Variants in N4BP2 observed in about 807,000 individuals in gnomAD.
The protein encoded by N4BP2 is NEDD4 binding protein 2.
In N4BP2, 91 loss-of-function variants were observed where a neutral mutation model predicts 152.8. The observed-to-expected ratio is 0.60, with a 90% CI of 0.50 to 0.71. The LOEUF (loss-of-function observed/expected upper bound fraction) is 0.71, where lower values mean the gene tolerates loss of function less well. Ranked by LOEUF, N4BP2 falls within the 30% of genes least tolerant of loss-of-function variation. The pLI is 0.00. For missense variants in N4BP2, 1,923 were observed against 2,059.1 expected, an observed-to-expected ratio of 0.93 and a Z score of 1.28; for synonymous variants, 646 against 705.3, an observed-to-expected ratio of 0.92 and a Z score of 1.33.
At chr4:40,057,973 A>G (rs1038209236) in intron 1 of N4BP2, among the ~76,000 whole-genome samples, 1 of 152,138 alleles carries the variant, frequency 6.6e-6, no homozygotes, top group African/African-American at 2.4e-5. Context: ...GCTTGAAGGC[A>G]GGATTGGCTG....
At chr4:40,094,552 T>G (rs752979464) in intron 2 of N4BP2, among the ~76,000 whole-genome samples, 2 of 152,078 alleles carry the variant, frequency 1.3e-5, no homozygotes, top group Non-Finnish European at 2.9e-5. Context: ...CTTTTTTATT[T>G]TTATTTATTT....
intron 5 of N4BP2, among the ~76,000 whole-genome samples, 167 bp downstream of exon 5, chr4:40,107,191 T>G (rs1382395440): frequency 6.6e-6 from 1 of 152,080 alleles, no homozygotes; most frequent in Non-Finnish European, 1.5e-5. Flanking sequence ...CCTTGACTTC[T>G]GGGTTCAGGT....
At position 40,120,177 on chromosome 4, in the gene N4BP2, A is replaced by T; in HGVS notation, c.2066A>T (p.Glu689Val). 6.2e-7 allele frequency: 1 copy of T among 1,613,662 alleles called. No individual in the cohort carries two copies. The highest frequency in any genetic ancestry group is 2.2e-5 in the East Asian group (1 of 44,854). Reference protein sequence around the residue: ...ETPHMYFSDSESKLQATDKSE... With the variant: ...ETPHMYFSDSVSKLQATDKSE... The stretch of plus-strand genomic sequence containing the variant: ...CCACACATGTATTTTTCTGACTCTG[A>T]AAGCAAACTACAGGCAACAGACAAA... The change falls in exon 9 of 18, where the codon GAA becomes GTA. Residue 689 changes from glutamate (E) to valine (V), a missense_variant. Transcript: ENST00000261435.
chr4:40,102,203 C>A lies in N4BP2; in HGVS notation c.358C>A (p.Arg120Ser). The change falls in exon 4 of 18, where the codon CGT becomes AGT. Residue 120 changes from arginine (R) to serine (S), a missense_variant. Arg to Ser is a moderately radical substitution (Grantham distance 110). Transcript: ENST00000261435. ...GAAESKIMEK[R>S]PEEESEDSKM... The stretch of plus-strand genomic sequence containing the variant: ...AGCAGAAAGTAAAATAATGGAAAAA[C>A]GTCCTGAAGAAGAGAGTGAAGATTC... 6.2e-7 allele frequency: 1 copy of A among 1,613,922 alleles called. No homozygotes were observed. Among genetic ancestry groups the A allele is most frequent in the Non-Finnish European group, 8.5e-7 (1 of 1,179,954 alleles).
chr4:40,097,345 C>A lies in N4BP2; in HGVS notation c.5C>A (p.Pro2Gln). ...ATTTTAGTTTTGGAAGTCAGAATGC[C>A]AAGGAGAAGGAAAAATCTTGGGGGA... MPRRRKNLGGNP... is the reference protein window; with the variant it reads MQRRRKNLGGNP... Residue 2 changes from proline to glutamine, a missense_variant, in exon 3 of 18, where the codon CCA (proline) becomes CAA (glutamine). Physicochemically the swap from Pro to Gln is moderately conservative, Grantham distance 76. Coordinates refer to ENST00000261435, the MANE Select transcript of N4BP2 (RefSeq NM_018177.6). The A allele has an allele frequency of 1.2e-6, 2 of 1,612,132 alleles. No individual in the cohort carries two copies. Among genetic ancestry groups the A allele is most frequent in the Non-Finnish European group, 1.7e-6 (2 of 1,178,588 alleles).
chr4:40,141,379 C>T (rs576229384), intron 14 of N4BP2, among the ~76,000 whole-genome samples: 7 of 151,612 alleles, frequency 4.6e-5, no homozygotes, highest in Non-Finnish European at 5.9e-5. Flanking sequence ...ACGGGGCAGC[C>T]GGGCAGAGAC....
the N4BP2 span, among the ~76,000 whole-genome samples, chr4:40,179,013 A>C: frequency 6.6e-6 from 1 of 152,292 alleles, no homozygotes; most frequent in East Asian, 1.9e-4. Context: ...AGAAAGCATA[A>C]GACCATTATA....
chr4:40,142,304 T>C (rs770242423), intron 14 of N4BP2: 22 of 321,978 alleles, frequency 6.8e-5, no homozygotes, highest in Non-Finnish European at 1.3e-4. Context: ...CTCCTCTCTC[T>C]GGCGGTGGTG....
rs1231692482 is a variant in N4BP2 at position 40,103,142 on chromosome 4, A to G, written c.1297A>G (p.Lys433Glu). 6.2e-7 allele frequency: 1 copy of G among 1,614,154 alleles called. No homozygotes were observed. Among genetic ancestry groups the G allele is most frequent in the South Asian group, 1.1e-5 (1 of 91,088 alleles). Residue 433 changes from lysine (K) to glutamate (E), a missense_variant, in exon 4 of 18, where the codon AAG (lysine) becomes GAG (glutamate). Transcript: ENST00000261435. ...QETPVSQVVR[K>E]KTSYVGLVLV... The stretch of plus-strand genomic sequence containing the variant: ...AACCCCAGTTTCTCAGGTTGTAAGA[A>G]AGAAGACATCTTACGTTGGACTAGT...
At chr4:40,172,730 C>T in the N4BP2 span, among the ~76,000 whole-genome samples, 1 of 152,160 alleles carries the variant, frequency 6.6e-6, no homozygotes, top group Non-Finnish European at 1.5e-5. Context: ...TACTGTAGCC[C>T]TAGCAAACTA....
intron 2 of N4BP2, among the ~76,000 whole-genome samples, chr4:40,096,060 G>C (rs903579198): frequency 1.3e-5 from 2 of 152,098 alleles, no homozygotes; most frequent in Non-Finnish European, 2.9e-5. Flanking sequence ...TAGACATTTA[G>C]TTTTGGATAT....
chr4:40,128,977 G>A (rs1291817084), intron 12 of N4BP2, among the ~76,000 whole-genome samples: 2 of 152,066 alleles, frequency 1.3e-5, no homozygotes, highest in African/African-American at 4.8e-5. Context: ...GATGTAATAG[G>A]TGAACAAATG....
rs73808623 is a variant in N4BP2 at position 40,100,873 on chromosome 4, A to G, written c.230-1202A>G. ...TTGAGGATTCAGTGAGGTGATGTGT[A>G]TAAAACTTCTAGCTCAAATGCTATG... On this transcript the variant is annotated intron_variant, in intron 3 of 17. Transcript: ENST00000261435. Among the ~76,000 whole-genome samples the G allele has an allele frequency of 4.5e-3, 682 of 152,340 alleles. 5 individuals carry two copies. Among genetic ancestry groups the G allele is most frequent in the African/African-American group, 0.016 (654 of 41,574 alleles).
At chr4:40,172,661 G>A in the N4BP2 span, among the ~76,000 whole-genome samples, 3 of 152,030 alleles carry the variant, frequency 2.0e-5, no homozygotes, top group African/African-American at 7.2e-5. Context: ...TTGGAATTTA[G>A]CCTCCAGAAC....
chr4:40,189,185 CA>C, the N4BP2 span, among the ~76,000 whole-genome samples: 8 of 151,582 alleles, frequency 5.3e-5, no homozygotes, highest in South Asian at 8.3e-4. The surrounding 1 kb of genome is among the most constrained non-coding windows in gnomAD (Gnocchi z 4.3). Flanking sequence ...CAAAACAAAA[CA>C]AAACACCATC....
intron 2 of N4BP2, among the ~76,000 whole-genome samples, chr4:40,092,046 A>ATATATATATATATATG (rs1491152490): frequency 2.1e-5 from 2 of 97,466 alleles, no homozygotes; most frequent in Non-Finnish European, 4.1e-5. Flanking sequence ...ATATATATAT[A>ATATATATATATATATG]GCTGAATTTT....
the N4BP2 span, among the ~76,000 whole-genome samples, chr4:40,175,982 T>G: frequency 6.7e-6 from 1 of 148,890 alleles, no homozygotes; most frequent in Admixed American, 6.8e-5. Flanking sequence ...CCCAGCTACT[T>G]GGGAGGCTGA....
intron 2 of N4BP2, among the ~76,000 whole-genome samples, chr4:40,080,197 C>A (rs143484346): frequency 6.6e-6 from 1 of 151,628 alleles, no homozygotes; most frequent in African/African-American, 2.4e-5. Context: ...AAGGAAGATA[C>A]GTAAGATTAG....
intron 2 of N4BP2, among the ~76,000 whole-genome samples, chr4:40,075,741 A>G (rs760314191): frequency 5.3e-5 from 8 of 152,142 alleles, no homozygotes; most frequent in Non-Finnish European, 8.8e-5. Flanking sequence ...TTATTACTGC[A>G]TAGTATTCCA....
Sources: allele counts gnomAD v4.1 joint callset (sites outside exome capture counted in the v4.1 genomes callset), GRCh38; gene constraint gnomAD v4.1.1; non-coding constraint Gnocchi (gnomAD v3.1); transcripts MANE v1.5; gene names NCBI Gene and HGNC (gene_info 2026-07-23, HGNC 2026-07-21).